The following ASB3 variants were observed in gnomAD, a reference collection of about 807,000 sequenced individuals.
ASB3 encodes ankyrin repeat and SOCS box containing 3.
In ASB3, 41 loss-of-function variants were observed where a neutral mutation model predicts 54.5. The observed-to-expected ratio is 0.75, with a 90% CI of 0.59 to 0.98. The LOEUF is 0.98. Ranked by LOEUF, ASB3 falls within the 50% of genes least tolerant of loss-of-function variation. The pLI is 0.00. For synonymous variants in ASB3, 266 were observed against 221.2 expected, an observed-to-expected ratio of 1.20 and a Z score of -1.80; for missense variants, 733 against 620.0, an observed-to-expected ratio of 1.18 and a Z score of -1.94.
rs191335054 is a variant in ASB3, at chr2:53,730,135, T to C, written c.356-565A>G. Reference sequence around the variant, plus strand: ...GGATTCCAGAAAAAATAAAAAATGTTGTTAAAGAGATGCAGATTATTTTGC... The same window carrying C: ...GGATTCCAGAAAAAATAAAAAATGTCGTTAAAGAGATGCAGATTATTTTGC... On this transcript the variant is annotated intron_variant, in intron 3 of 9. Coordinates refer to ENST00000263634, the MANE Select transcript of ASB3 (RefSeq NM_016115.5). Among the ~76,000 whole-genome samples the C allele has an allele frequency of 1.5e-3, 222 of 152,318 alleles. 1 individual carries two copies. The highest frequency in any genetic ancestry group is 5.2e-3 in the African/African-American group (218 of 41,580).
At chr2:53,682,934 G>C (rs1668452941) in intron 9 of ASB3, among the ~76,000 whole-genome samples, 1 of 152,162 alleles carries the variant, frequency 6.6e-6, no homozygotes, top group South Asian at 2.1e-4. Flanking sequence ...AGGACATTTT[G>C]ACTTCTTCCA....
chr2:53,785,048 T>G (rs1674862130), intron 1 of ASB3, among the ~76,000 whole-genome samples: 1 of 152,212 alleles, frequency 6.6e-6, no homozygotes, highest in Non-Finnish European at 1.5e-5. Flanking sequence ...CTTCTTTCTA[T>G]CACTCCAACA....
intron 1 of ASB3, chr2:53,775,116 C>CT (rs1049912532): frequency 6.6e-6 from 1 of 152,454 alleles, no homozygotes; most frequent in African/African-American, 2.4e-5. Context: ...TGTACCTCTT[C>CT]TTTTTTAAAT....
At chr2:53,779,865 A>G (rs1674548377) in intron 1 of ASB3, among the ~76,000 whole-genome samples, 1 of 152,250 alleles carries the variant, frequency 6.6e-6, no homozygotes, top group African/African-American at 2.4e-5. Flanking sequence ...ATCCTTTAAC[A>G]CAAAAACAAA....
intron 1 of ASB3, among the ~76,000 whole-genome samples, chr2:53,784,658 C>T (rs1437392971): frequency 6.6e-6 from 1 of 152,204 alleles, no homozygotes; most frequent in Non-Finnish European, 1.5e-5. Context: ...GCTGCCTCCT[C>T]CTTCCTGGCA....
chr2:53,773,133 T>G (rs150600892), intron 1 of ASB3, among the ~76,000 whole-genome samples: 27 of 152,280 alleles, frequency 1.8e-4, no homozygotes, highest in African/African-American at 6.3e-4. Context: ...ACGAAAAGCA[T>G]TTATAAAAAA....
At chr2:53,693,787 G>A in intron 9 of ASB3, 97 bp downstream of exon 9, 1 of 1,477,444 alleles carries the variant, frequency 6.8e-7, no homozygotes. Context: ...TCTAATTTGT[G>A]TTCACCGATG....
chr2:53,765,343 T>C lies in ASB3; in HGVS notation c.196+34A>G, dbSNP rs1180518624. The C allele has an allele frequency of 3.7e-6, 6 of 1,613,028 alleles. No individual in the cohort carries two copies. In the African/African-American group the frequency reaches 4.0e-5, roughly 11 times the overall value. ...TTTTATGTTTTATTAATCCAGCTTGTAGGCAAAGCCTCCATACCTTGAATT... is the reference window on the plus strand; with the variant it reads ...TTTTATGTTTTATTAATCCAGCTTGCAGGCAAAGCCTCCATACCTTGAATT... On this transcript the variant is annotated intron_variant, in intron 2 of 9. Transcript: ENST00000263634.
chr2:53,767,569 A>T (rs116544971), intron 1 of ASB3: 3,811 of 262,456 alleles, frequency 0.015, 64 homozygotes, highest in Non-Finnish European at 0.017. Flanking sequence ...TCCAAAAAGC[A>T]TTGTGGGTAT....
intron 8 of ASB3, among the ~76,000 whole-genome samples, chr2:53,695,959 A>G (rs1669160974): frequency 6.6e-6 from 1 of 152,188 alleles, no homozygotes; most frequent in South Asian, 2.1e-4. Flanking sequence ...TGATATAAAT[A>G]ACAATCAAAA....
intron 9 of ASB3, among the ~76,000 whole-genome samples, chr2:53,672,320 T>G (rs1325703706): frequency 6.6e-6 from 1 of 152,176 alleles, no homozygotes; most frequent in African/African-American, 2.4e-5. Flanking sequence ...ATTTCTAACT[T>G]TTTTCATATC....
chr2:53,693,941 C>G lies in ASB3; in HGVS notation c.1312G>C (p.Val438Leu). ...GCACGAGCAGAGAGCATCCTTTCAA[C>G]AGCTGGTGCAAGTGTCTTCCAATTA... ...FTNWKTLAPAVERMLSARASN... is the reference protein window; with the variant it reads ...FTNWKTLAPALERMLSARASN... The change falls in exon 9 of 10, where the codon GTT becomes CTT. Residue 438 changes from valine to leucine, a missense_variant. Val to Leu is a conservative substitution (Grantham distance 32). Transcript: ENST00000263634. 1.9e-6 allele frequency: 3 copies of G among 1,613,656 alleles called. No homozygotes were observed. The highest frequency in any genetic ancestry group is 2.5e-6 in the Non-Finnish European group (3 of 1,179,658).
chr2:53,682,615 T>TAC (rs1668434428), intron 9 of ASB3, among the ~76,000 whole-genome samples: 1 of 152,070 alleles, frequency 6.6e-6, no homozygotes, highest in Non-Finnish European at 1.5e-5. Flanking sequence ...TAGCTGGGAT[T>TAC]ACAGGTGCCT....
chr2:53,772,300 A>G (rs373304166), intron 1 of ASB3, among the ~76,000 whole-genome samples: 40 of 152,054 alleles, frequency 2.6e-4, no homozygotes, highest in East Asian at 1.4e-3. Context: ...TCAGCCTCCC[A>G]AGTAGCTGGG....
chr2:53,752,330 T>C (rs755576459), intron 2 of ASB3, among the ~76,000 whole-genome samples: 6 of 152,068 alleles, frequency 3.9e-5, no homozygotes, highest in East Asian at 1.9e-4. Flanking sequence ...TGTGGACACA[T>C]TGAAAGGTGA....
intron 8 of ASB3, among the ~76,000 whole-genome samples, chr2:53,699,686 G>A (rs1669377251): frequency 6.6e-6 from 1 of 152,064 alleles, no homozygotes; most frequent in South Asian, 2.1e-4. Context: ...CTTGTGTTAG[G>A]ACACTAACAA....
chr2:53,765,713 G>C lies in ASB3; in HGVS notation c.-13-128C>G, dbSNP rs1263149879. ...CTGACGAAGAAGGGCCCACAATACAGAAAGTGACTGCCATGCCACAGTCTC... is the reference window on the plus strand; with the variant it reads ...CTGACGAAGAAGGGCCCACAATACACAAAGTGACTGCCATGCCACAGTCTC... On this transcript the variant is annotated intron_variant, in intron 1 of 9. Transcript: ENST00000263634. 3.7e-6 allele frequency: 4 copies of C among 1,072,934 alleles called. No individual in the cohort carries two copies. In the African/African-American group the frequency reaches 4.8e-5, roughly 13 times the overall value. 66.5% of individuals were successfully genotyped at this position (1,072,934 alleles called of 1,614,324 possible).
intron 7 of ASB3, among the ~76,000 whole-genome samples, chr2:53,703,114 T>C (rs1225665376): frequency 6.6e-6 from 1 of 152,220 alleles, no homozygotes; most frequent in African/African-American, 2.4e-5. Flanking sequence ...TGGCCATATA[T>C]AAAAGGCATT....
rs113240917 is a variant in ASB3, at chr2:53,716,699, A to G, written c.649T>C (p.Phe217Leu). The G allele has an allele frequency of 6.2e-7, 1 of 1,614,074 alleles. No individual in the cohort carries two copies. The highest frequency in any genetic ancestry group is 8.5e-7 in the Non-Finnish European group (1 of 1,180,028). The change falls in exon 6 of 10, where the codon TTC becomes CTC. Residue 217 changes from phenylalanine (F) to leucine (L), a missense_variant. Transcript: ENST00000263634. ...GTGTGTCCCTCTTGAGCAGCAATGA[A>G]CAAGGGTGTAGCTTTGTCCAAGGCT... ...CQALDKATPL[F>L]IAAQEGHTKC...
Sources: allele counts gnomAD v4.1 joint callset (sites outside exome capture counted in the v4.1 genomes callset), GRCh38; gene constraint gnomAD v4.1.1; transcripts MANE v1.5; gene names NCBI Gene and HGNC (gene_info 2026-07-23, HGNC 2026-07-21).